PCDH15: variants seen among roughly 807,000 people sequenced by gnomAD.
PCDH15 encodes protocadherin related 15, also known as protocadherin-15.
Under a neutral mutation model 178.5 loss-of-function variants are expected in PCDH15, and 129 were observed. The ratio of observed to expected loss-of-function variants is 0.72; its 90% CI spans 0.63 to 0.84. The LOEUF is 0.84. Ranked by LOEUF, PCDH15 falls within the 40% of genes least tolerant of loss-of-function variation. The probability of loss-of-function intolerance (pLI) is 0.00; values close to 1 mark genes in which losing one functional copy is unlikely to be tolerated. For missense variants in PCDH15, 2,230 were observed against 2,099.9 expected (o/e 1.06, Z -1.21); for synonymous variants, 800 against 732.0 (o/e 1.09, Z -1.50).
intron 26 of PCDH15, among the ~76,000 whole-genome samples, chr10:53,870,312 T>C (rs2079745421): frequency 6.6e-6 from 1 of 152,192 alleles, no homozygotes; most frequent in Non-Finnish European, 1.5e-5. Flanking sequence ...CTATTTTCTT[T>C]TATGATTTTT....
chr10:54,725,355 T>C (rs1374615330), intron 1 of PCDH15, among the ~76,000 whole-genome samples: 3 of 150,534 alleles, frequency 2.0e-5, no homozygotes, highest in African/African-American at 4.9e-5. Flanking sequence ...AATTTAGTAA[T>C]GAACTGAAGT....
At chr10:55,265,916 G>GA (rs1842279904) in intron 1 of PCDH15, among the ~76,000 whole-genome samples, 1 of 152,064 alleles carries the variant, frequency 6.6e-6, no homozygotes, top group Admixed American at 6.5e-5. Context: ...TTGTACAATA[G>GA]AGAAATGCAG....
chr10:55,175,178 C>T (rs1337325570), intron 1 of PCDH15, among the ~76,000 whole-genome samples: 3 of 152,116 alleles, frequency 2.0e-5, no homozygotes, highest in East Asian at 3.9e-4. Flanking sequence ...TTCAGATGTG[C>T]ATAGCGGAGG....
intron 2 of PCDH15, among the ~76,000 whole-genome samples, chr10:55,119,833 T>C (rs1005218261): frequency 6.6e-6 from 1 of 152,232 alleles, no homozygotes; most frequent in Non-Finnish European, 1.5e-5. Context: ...AAGAGAAAGT[T>C]TGTAACTGGT....
At position 54,937,011 on chromosome 10, in the gene PCDH15, A is replaced by C. The variant is rs147635433; in HGVS notation, c.-79-39511T>G. ...TGAGGTCTATCATCTATCTGGAATT[A>C]ATTTTTGTGCATCGCGTAAGGAACA... On this transcript the variant is annotated intron_variant, in intron 2 of 5. Transcript: ENST00000458638. Among the ~76,000 whole-genome samples the C allele has an allele frequency of 1.1e-4, 16 of 152,034 alleles. No individual in the cohort carries two copies. In the East Asian group the frequency reaches 3.1e-3, roughly 29 times the overall value.
At chr10:55,496,667 T>C (rs1840541438) in intron 2 of PCDH15, among the ~76,000 whole-genome samples, 1 of 151,754 alleles carries the variant, frequency 6.6e-6, no homozygotes, top group South Asian at 2.1e-4. Context: ...CATATAAGAA[T>C]AGCTAGGAAA....
rs189084894 is a variant in PCDH15, at chr10:55,545,648, T to G, written c.-156+81977A>C. 1.6e-4 allele frequency among the ~76,000 whole-genome samples: 24 copies of G among 152,162 alleles called. No homozygotes were observed. In the East Asian group the frequency reaches 4.1e-3, roughly 26 times the overall value. ...CTGGTTTCAAACTCCTGACCTCAGG[T>G]GATCCGCCCGCCTCAGCCTCCCAAA... is the stretch of plus-strand genomic sequence containing the variant. On this transcript the variant is annotated intron_variant, in intron 2 of 5. Transcript: ENST00000613346.
At chr10:54,490,451 A>AAAAT (rs1200589743) in intron 3 of PCDH15, among the ~76,000 whole-genome samples, 2 of 151,928 alleles carry the variant, frequency 1.3e-5, no homozygotes, top group Admixed American at 1.3e-4. Context: ...CTATGTCTCA[A>AAAAT]AAATAAATAA....
chr10:54,174,391 C>T (rs1431416028), intron 13 of PCDH15, among the ~76,000 whole-genome samples: 2 of 151,896 alleles, frequency 1.3e-5, no homozygotes, highest in East Asian at 3.9e-4. Flanking sequence ...AAAAAATTGC[C>T]GGGCATGGTG....
At chr10:55,242,371 G>T (rs912516254) in intron 1 of PCDH15, among the ~76,000 whole-genome samples, 5 of 152,034 alleles carry the variant, frequency 3.3e-5, no homozygotes, top group African/African-American at 1.2e-4. Context: ...TAGCTAATGA[G>T]ACTCTAAGTT....
chr10:54,410,535 T>C (rs1217011640), intron 3 of PCDH15, among the ~76,000 whole-genome samples: 1 of 152,148 alleles, frequency 6.6e-6, no homozygotes, highest in Non-Finnish European at 1.5e-5. Context: ...GTAGATACTA[T>C]ATAAAATTTT....
chr10:54,791,206 A>G (rs1951377121), intron 1 of PCDH15, among the ~76,000 whole-genome samples: 1 of 151,940 alleles, frequency 6.6e-6, no homozygotes, highest in Non-Finnish European at 1.5e-5. Flanking sequence ...TTAAAATAAA[A>G]GAAATATGAG....
chr10:55,100,566 T>C (rs1842552975), intron 2 of PCDH15, among the ~76,000 whole-genome samples: 1 of 152,036 alleles, frequency 6.6e-6, no homozygotes, highest in African/African-American at 2.4e-5. Context: ...TCCACTCATG[T>C]TGGAAGGGGA....
At chr10:54,424,580 T>A (rs1190496229) in intron 3 of PCDH15, among the ~76,000 whole-genome samples, 2 of 149,748 alleles carry the variant, frequency 1.3e-5, no homozygotes, top group Non-Finnish European at 1.5e-5. Context: ...TGTGGCATTA[T>A]TCACAATAGC....
At chr10:54,527,324 C>T (rs947174160) in intron 3 of PCDH15, among the ~76,000 whole-genome samples, 1 of 152,082 alleles carries the variant, frequency 6.6e-6, no homozygotes, top group Non-Finnish European at 1.5e-5. Context: ...CTGCTCTTGG[C>T]CTTATTTCAT....
At chr10:55,277,640 G>A (rs1224835446) in intron 1 of PCDH15, among the ~76,000 whole-genome samples, 3 of 151,976 alleles carry the variant, frequency 2.0e-5, no homozygotes, top group African/African-American at 7.2e-5. Context: ...GTTTGTTGTT[G>A]TTATTATATT....
At chr10:53,989,995 T>C (rs1334853893) in intron 21 of PCDH15, among the ~76,000 whole-genome samples, 1 of 152,198 alleles carries the variant, frequency 6.6e-6, no homozygotes, top group East Asian at 1.9e-4. Context: ...ACTGTTACTT[T>C]CTTTCTACTG....
chr10:54,886,945 A>G (rs2131811703), intron 3 of PCDH15, among the ~76,000 whole-genome samples: 2 of 152,350 alleles, frequency 1.3e-5, no homozygotes, highest in Middle Eastern at 6.8e-3. Context: ...AATCTTGAAT[A>G]AGGATCTTTT....
At chr10:55,381,509 T>C (rs2441765) in intron 2 of PCDH15, among the ~76,000 whole-genome samples, 34,121 of 151,832 alleles carry the variant, frequency 0.22, 4,161 homozygotes, top group African/African-American at 0.32. Flanking sequence ...CAACAGAGCA[T>C]ACTGGAGAAC....
Sources: gnomAD v4.1 joint callset for allele counts (sites outside exome capture counted in the v4.1 genomes callset) on GRCh38, gnomAD v4.1.1 for gene constraint, MANE v1.5 for transcripts, NCBI Gene and HGNC (gene_info 2026-07-23, HGNC 2026-07-21) for gene names.